The following TRABD2B variants were observed in gnomAD, a reference collection of about 807,000 sequenced individuals.
TRABD2B encodes the protein metalloprotease TIKI2.
In TRABD2B, 14 loss-of-function variants were observed where a neutral mutation model predicts 40.1. The observed-to-expected ratio is 0.35, with a 90% CI of 0.23 to 0.55. The LOEUF (loss-of-function observed/expected upper bound fraction) is 0.55, where lower values mean the gene tolerates loss of function less well. Among genes scored for constraint, TRABD2B ranks in the 20% least tolerant of loss-of-function variants. The pLI is 0.90. For missense variants in TRABD2B, 541 were observed against 648.6 expected (o/e 0.83, Z 1.80); for synonymous variants, 263 against 277.0 (o/e 0.95, Z 0.50).
At chr1:47,770,228 T>C (rs771391171) in intron 6 of TRABD2B, among the ~76,000 whole-genome samples, 58 of 152,280 alleles carry the variant, frequency 3.8e-4, no homozygotes, top group Non-Finnish European at 5.6e-4. Flanking sequence ...TGCCTGGGGA[T>C]AGAGATCTCA....
intron 2 of TRABD2B, among the ~76,000 whole-genome samples, chr1:47,962,819 A>C (rs1379458393): frequency 6.6e-6 from 1 of 152,118 alleles, no homozygotes; most frequent in African/African-American, 2.4e-5. Flanking sequence ...CACCCTGCAC[A>C]CTGATGCATT....
At chr1:47,797,771 T>C (rs919562165) in intron 3 of TRABD2B, among the ~76,000 whole-genome samples, 5 of 152,096 alleles carry the variant, frequency 3.3e-5, no homozygotes, top group Admixed American at 6.5e-5. Flanking sequence ...ATTAGACTTG[T>C]TGGGGGCCTT....
At chr1:47,807,640 CTGTG>C (rs141548365) in intron 2 of TRABD2B, among the ~76,000 whole-genome samples, 1 of 151,580 alleles carries the variant, frequency 6.6e-6, no homozygotes, top group Non-Finnish European at 1.5e-5. Context: ...GTGTGTGTGT[CTGTG>C]TGTGTGTTTC....
chr1:47,931,866 A>G (rs779564398), intron 2 of TRABD2B, among the ~76,000 whole-genome samples: 21 of 152,186 alleles, frequency 1.4e-4, no homozygotes, highest in Non-Finnish European at 2.9e-5. Flanking sequence ...GATAACCCCA[A>G]CATCCAAGTA....
At chr1:47,894,147 G>C (rs768315590) in intron 2 of TRABD2B, among the ~76,000 whole-genome samples, 4 of 152,160 alleles carry the variant, frequency 2.6e-5, no homozygotes, top group Non-Finnish European at 4.4e-5. Context: ...ACACAGTGTG[G>C]GTGGGGGTGT....
chr1:47,768,178 G>A (rs1644330391), intron 6 of TRABD2B, among the ~76,000 whole-genome samples: 1 of 152,188 alleles, frequency 6.6e-6, no homozygotes, highest in Non-Finnish European at 1.5e-5. Context: ...CCCTGCAGTT[G>A]CATAAGGTTC....
chr1:47,865,559 A>T (rs912834674), intron 2 of TRABD2B, among the ~76,000 whole-genome samples: 49 of 152,132 alleles, frequency 3.2e-4, no homozygotes, highest in Non-Finnish European at 1.3e-4. Flanking sequence ...TAGCATGGGC[A>T]CTTGTCCCAG....
chr1:47,848,279 G>T (rs1046105009), intron 2 of TRABD2B, among the ~76,000 whole-genome samples: 1 of 152,226 alleles, frequency 6.6e-6, no homozygotes, highest in African/African-American at 2.4e-5. Flanking sequence ...TTCTATAATG[G>T]AAGTTGTGTG....
intron 2 of TRABD2B, among the ~76,000 whole-genome samples, chr1:47,934,689 G>C (rs935771022): frequency 6.6e-6 from 1 of 152,226 alleles, no homozygotes; most frequent in Admixed American, 6.5e-5. Flanking sequence ...CAAAGCTGAT[G>C]GAGCCACAAA....
At chr1:47,873,634 C>T (rs557760350) in intron 2 of TRABD2B, among the ~76,000 whole-genome samples, 3 of 152,126 alleles carry the variant, frequency 2.0e-5, no homozygotes, top group Non-Finnish European at 2.9e-5. Context: ...CTAGACCATG[C>T]GACTGATTTT....
At chr1:47,894,155 T>A (rs1570233981) in intron 2 of TRABD2B, among the ~76,000 whole-genome samples, 2 of 151,970 alleles carry the variant, frequency 1.3e-5, no homozygotes, top group South Asian at 4.2e-4. Flanking sequence ...TGGGTGGGGG[T>A]GTTGCGGATG....
intron 4 of TRABD2B, among the ~76,000 whole-genome samples, chr1:47,786,202 C>T (rs565888444): frequency 6.6e-6 from 1 of 152,380 alleles, no homozygotes; most frequent in African/African-American, 2.4e-5. Flanking sequence ...AAGGCGACTT[C>T]TGATCAGGAG....
chr1:47,896,291 TG>T (rs1169858988), intron 2 of TRABD2B, among the ~76,000 whole-genome samples: 1 of 151,948 alleles, frequency 6.6e-6, no homozygotes, highest in Non-Finnish European at 1.5e-5. Context: ...ATGAGGAGTT[TG>T]GGGGTCTCGG....
intron 2 of TRABD2B, among the ~76,000 whole-genome samples, chr1:47,987,892 A>G (rs1199653819): frequency 6.6e-6 from 1 of 152,100 alleles, no homozygotes; most frequent in Non-Finnish European, 1.5e-5. Flanking sequence ...CAGGTTCTGG[A>G]GGTATATGGT....
In TRABD2B at chr1:47,841,606, G is replaced by A. The variant is rs190299087; in HGVS notation, c.667-39987C>T. On this transcript the variant is annotated intron_variant, in intron 2 of 6. Transcript: ENST00000606738. ...CCTGGTCTAGAGGAGCCCACAGCCC[G>A]GTGGGAATCATGTCAGCAGAGAAGC... is the stretch of plus-strand genomic sequence containing the variant. 9.2e-5 allele frequency among the ~76,000 whole-genome samples: 14 copies of A among 152,208 alleles called. No individual in the cohort carries two copies. In the East Asian group the frequency reaches 1.2e-3, roughly 13 times the overall value.
At chr1:47,979,230 G>A (rs551072153) in intron 2 of TRABD2B, among the ~76,000 whole-genome samples, 2 of 152,174 alleles carry the variant, frequency 1.3e-5, no homozygotes, top group African/African-American at 2.4e-5. Flanking sequence ...ATACTCAGGC[G>A]ATGATGTGTA....
chr1:47,791,943 T>A (rs934499751), intron 4 of TRABD2B, among the ~76,000 whole-genome samples: 1 of 152,178 alleles, frequency 6.6e-6, no homozygotes, highest in African/African-American at 2.4e-5. Flanking sequence ...TTTGCTCATG[T>A]CCCTGCCCTC....
At chr1:47,888,374 G>A (rs1433505160) in intron 2 of TRABD2B, among the ~76,000 whole-genome samples, 1 of 152,126 alleles carries the variant, frequency 6.6e-6, no homozygotes, top group African/African-American at 2.4e-5. Flanking sequence ...TGAGGGCAGG[G>A]TTCTCATCTG....
At chr1:47,935,768 T>G (rs1159828902) in intron 2 of TRABD2B, among the ~76,000 whole-genome samples, 1 of 152,236 alleles carries the variant, frequency 6.6e-6, no homozygotes, top group African/African-American at 2.4e-5. Context: ...AACCCCAATA[T>G]TTAGATATCT....
Sources: allele counts gnomAD v4.1 joint callset (sites outside exome capture counted in the v4.1 genomes callset), GRCh38; gene constraint gnomAD v4.1.1; transcripts MANE v1.5; gene names NCBI Gene and HGNC (gene_info 2026-07-23, HGNC 2026-07-21).